PTPRN2: variants seen among roughly 807,000 people sequenced by gnomAD.
The protein encoded by PTPRN2 is receptor-type tyrosine-protein phosphatase N2.
In PTPRN2, 74 loss-of-function variants were observed where a neutral mutation model predicts 118.8. The ratio of observed to expected loss-of-function variants is 0.62; its 90% confidence interval spans 0.52 to 0.76. PTPRN2 has a LOEUF of 0.76. Among genes scored for constraint, PTPRN2 ranks in the 30% least tolerant of loss-of-function variants. The pLI, the probability that PTPRN2 is intolerant of heterozygous loss-of-function variation, is 0.00. For missense variants in PTPRN2, 1,481 were observed against 1,394.4 expected, an observed-to-expected ratio of 1.06 and a Z score of -0.99; for synonymous variants, 641 against 608.0, an observed-to-expected ratio of 1.05 and a Z score of -0.80.
rs893166341 is a variant in PTPRN2, at chr7:157,881,259, G to A, written c.1788+17414C>T. Among the ~76,000 whole-genome samples the A allele has an allele frequency of 2.0e-5, 3 of 151,756 alleles. No individual in the cohort carries two copies. Among genetic ancestry groups the A allele is most frequent in the African/African-American group, 7.3e-5 (3 of 41,162 alleles). ...TAAAATGAGGTCATGATGGTATGTG[G>A]AGATGGGGGTGTTTACAGGAGTCAT... On this transcript the variant is annotated intron_variant, in intron 12 of 22. Transcript: ENST00000389418. The surrounding 1 kb of genome is among the most constrained non-coding windows in gnomAD (Gnocchi z 4.7).
intron 22 of PTPRN2, among the ~76,000 whole-genome samples, chr7:157,542,068 C>T (rs1798040028): frequency 6.6e-6 from 1 of 152,324 alleles, no homozygotes; most frequent in African/African-American, 2.4e-5. Flanking sequence ...GTCTCTCTCC[C>T]CTCTGCACTG....
At chr7:157,855,069 G>C (rs564442257) in intron 12 of PTPRN2, among the ~76,000 whole-genome samples, 1 of 150,302 alleles carries the variant, frequency 6.7e-6, no homozygotes, top group Non-Finnish European at 1.5e-5. Context: ...GGGCTGGATC[G>C]GGGAGGATGG....
At chr7:158,200,948 G>A (rs985664131) in intron 4 of PTPRN2, among the ~76,000 whole-genome samples, 15 of 151,832 alleles carry the variant, frequency 9.9e-5, no homozygotes, top group East Asian at 5.8e-4. Context: ...AATAAATAGC[G>A]TAAATAAGTT....
At chr7:157,688,367 G>T (rs1042175874) in intron 12 of PTPRN2, among the ~76,000 whole-genome samples, 2 of 152,240 alleles carry the variant, frequency 1.3e-5, no homozygotes, top group Non-Finnish European at 2.9e-5. Context: ...AAGCACCCTT[G>T]TGCAAACTAA....
rs375328715 is a variant in PTPRN2 at position 158,359,893 on chromosome 7, GC to G, written c.164-42962del. Reference sequence around the variant, plus strand: ...CACCTTAGCTTGGCCCCTCCTTGGTGCCCAAGACCTAACACTGGAGATGTCA... The same window carrying G: ...CACCTTAGCTTGGCCCCTCCTTGGTGCCAAGACCTAACACTGGAGATGTCA... On this transcript the variant is annotated intron_variant, in intron 2 of 22. Transcript: ENST00000389418. Among the ~76,000 whole-genome samples the G allele has an allele frequency of 1.1e-4, 16 of 152,228 alleles. 1 individual carries two copies. The South Asian group carries it at 3.3e-3, about 32-fold the overall frequency.
intron 1 of PTPRN2, among the ~76,000 whole-genome samples, chr7:158,535,049 C>T (rs528005338): frequency 6.6e-6 from 1 of 152,200 alleles, no homozygotes; most frequent in Non-Finnish European, 1.5e-5. Flanking sequence ...AGCCTCTGTT[C>T]CTCCTGCATT....
At chr7:158,331,975 C>T (rs1464715186) in intron 2 of PTPRN2, among the ~76,000 whole-genome samples, 19 of 151,254 alleles carry the variant, frequency 1.3e-4, no homozygotes, top group African/African-American at 3.0e-4. Context: ...CAACTGAAGA[C>T]GTCACTCACA....
At chr7:158,512,164 G>A (rs1279042078) in intron 1 of PTPRN2, among the ~76,000 whole-genome samples, 1 of 152,198 alleles carries the variant, frequency 6.6e-6, no homozygotes, top group Non-Finnish European at 1.5e-5. Flanking sequence ...AGGAGAAAAA[G>A]TGCTGACCTA....
At position 157,671,197 on chromosome 7, in the gene PTPRN2, C is replaced by G. The variant is rs1335457029; in HGVS notation, c.2001+11528G>C. ...ATTCTTATCGAGCATGTAAAGGTCC[C>G]CGGTGGGTGCTGTGGGTCTATTGGA... On this transcript the variant is annotated intron_variant, in intron 13 of 22. Transcript: ENST00000389418. The surrounding 1 kb of genome is among the most constrained non-coding windows in gnomAD (Gnocchi z 4.1). Among the ~76,000 whole-genome samples, 1 of 152,008 alleles carries G rather than the reference C, an allele frequency of 6.6e-6. No individual in the cohort carries two copies. Among genetic ancestry groups the G allele is most frequent in the African/African-American group, 2.4e-5 (1 of 41,362 alleles).
At chr7:158,363,509 C>T (rs765979009) in intron 2 of PTPRN2, among the ~76,000 whole-genome samples, 6 of 152,246 alleles carry the variant, frequency 3.9e-5, no homozygotes, top group Non-Finnish European at 7.3e-5. Context: ...AGCCTGCACA[C>T]AATTCCTGGT....
rs1174618765 is a variant in PTPRN2, at chr7:157,987,339, G to T, written c.1724-88602C>A. 1.3e-5 allele frequency among the ~76,000 whole-genome samples: 2 copies of T among 149,988 alleles called. No individual in the cohort carries two copies. The highest frequency in any genetic ancestry group is 4.9e-5 in the African/African-American group (2 of 40,572). On this transcript the variant is annotated intron_variant, in intron 11 of 22. Coordinates refer to ENST00000389418, the MANE Select transcript of PTPRN2 (RefSeq NM_002847.5). The surrounding 1 kb of genome is among the most constrained non-coding windows in gnomAD (Gnocchi z 4.3). ...GTTACCAGTCACTAAAGGGAAAGGG[G>T]GCGTGATGACCAGTCACTAGTGGGG...
intron 3 of PTPRN2, among the ~76,000 whole-genome samples, chr7:158,291,506 T>C (rs939618597): frequency 6.6e-6 from 1 of 152,212 alleles, no homozygotes; most frequent in Non-Finnish European, 1.5e-5. Flanking sequence ...ATTTCTAATG[T>C]TTTCCAAAAA....
chr7:158,134,406 A>C (rs1818636578), intron 8 of PTPRN2, among the ~76,000 whole-genome samples: 1 of 152,142 alleles, frequency 6.6e-6, no homozygotes, highest in African/African-American at 2.4e-5. Flanking sequence ...GTGTGATATC[A>C]AGATCCCACC....
intron 3 of PTPRN2, among the ~76,000 whole-genome samples, chr7:158,301,207 C>G (rs1800862954): frequency 6.6e-6 from 1 of 152,114 alleles, no homozygotes; most frequent in South Asian, 2.1e-4. Flanking sequence ...AACTAAGGAC[C>G]TGTATTTGCA....
chr7:158,195,645 G>A (rs1397307947), intron 4 of PTPRN2, among the ~76,000 whole-genome samples: 1 of 144,734 alleles, frequency 6.9e-6, no homozygotes, highest in East Asian at 2.0e-4. Context: ...ATCCTTCCTT[G>A]TTTCCTTATG....
intron 1 of PTPRN2, among the ~76,000 whole-genome samples, chr7:158,576,680 T>G (rs1828339645): frequency 6.6e-6 from 1 of 152,192 alleles, no homozygotes; most frequent in South Asian, 2.1e-4. Flanking sequence ...AAGATGGAAA[T>G]GCACAGGGCA....
intron 19 of PTPRN2, among the ~76,000 whole-genome samples, chr7:157,574,961 G>A (rs1799951798): frequency 6.6e-6 from 1 of 152,234 alleles, no homozygotes; most frequent in Admixed American, 6.5e-5. Context: ...TCAAAACCGT[G>A]TCTGGGGGTT....
intron 3 of PTPRN2, among the ~76,000 whole-genome samples, chr7:158,214,339 T>C (rs1270002002): frequency 6.6e-6 from 1 of 151,768 alleles, no homozygotes; most frequent in Non-Finnish European, 1.5e-5. Context: ...GTTTTCTTTT[T>C]GCCTCAGGTA....
intron 5 of PTPRN2, among the ~76,000 whole-genome samples, chr7:158,181,268 C>A (rs1824682873): frequency 6.6e-6 from 1 of 152,148 alleles, no homozygotes; most frequent in African/African-American, 2.4e-5. Flanking sequence ...TAAACCATCC[C>A]TGCATCCCTG....
Sources: allele counts gnomAD v4.1 joint callset (sites outside exome capture counted in the v4.1 genomes callset), GRCh38; gene constraint gnomAD v4.1.1; non-coding constraint Gnocchi (gnomAD v3.1); transcripts MANE v1.5; gene names NCBI Gene and HGNC (gene_info 2026-07-23, HGNC 2026-07-21).